IMPACT: variants seen among roughly 807,000 people sequenced by gnomAD.
IMPACT encodes protein IMPACT.
In IMPACT, 35 loss-of-function variants were observed where a neutral mutation model predicts 47.5. The ratio of observed to expected loss-of-function variants is 0.74; its 90% confidence interval spans 0.56 to 0.98. IMPACT has a LOEUF of 0.98. Ranked by LOEUF, IMPACT falls within the 50% of genes least tolerant of loss-of-function variation. The probability of loss-of-function intolerance (pLI) is 0.00; values close to 1 mark genes in which losing one functional copy is unlikely to be tolerated. For synonymous variants in IMPACT, 118 were observed against 125.6 expected (o/e 0.94, Z 0.40); for missense variants, 373 against 394.8 (o/e 0.94, Z 0.47).
At chr18:24,440,385 G>C (rs1568088022) in intron 5 of IMPACT, 111 bp from the exon 6 acceptor site, 3 of 1,109,482 alleles carry the variant, frequency 2.7e-6, no homozygotes, top group Non-Finnish European at 3.9e-6. Context: ...GCTGAGTGCT[G>C]GTTCCTTTCG....
intron 10 of IMPACT, among the ~76,000 whole-genome samples, chr18:24,450,411 G>T (rs758740548): frequency 4.6e-5 from 7 of 151,870 alleles, no homozygotes; most frequent in Non-Finnish European, 7.4e-5. Flanking sequence ...TATACTTTGA[G>T]TTTATTTTGT....
In IMPACT at chr18:24,432,385, G is replaced by A. The variant is rs16940726; in HGVS notation, c.281+2001G>A. Among the ~76,000 whole-genome samples, 815 of 152,122 alleles carry A rather than the reference G, an allele frequency of 5.4e-3. 3 individuals are homozygous for A. Among genetic ancestry groups the A allele is most frequent in the African/African-American group, 0.018 (750 of 41,480 alleles). On this transcript the variant is annotated intron_variant, in intron 4 of 10. Coordinates refer to ENST00000284202, the MANE Select transcript of IMPACT (RefSeq NM_018439.4). ...GTAAGGACTGTATTATATGTTCTAG[G>A]TGGCCACTCCATTTGGTACAGTGAC...
chr18:24,433,775 A>G (rs1376500084), intron 4 of IMPACT, among the ~76,000 whole-genome samples: 3 of 149,086 alleles, frequency 2.0e-5, no homozygotes, highest in South Asian at 2.1e-4. Flanking sequence ...GGTTCAAGCA[A>G]TTCTTGTACC....
At position 24,452,728 on chromosome 18, in the gene IMPACT, G is replaced by T. The variant is rs2144353992; in HGVS notation, c.*1881G>T. ...TTTAAAATTTTTGTCTTGATTAGGA[G>T]ATTTTTCAGTTCTCCATATAATAAT... On this transcript the variant is annotated 3_prime_UTR_variant, in exon 11 of 11. Transcript: ENST00000284202. The T allele has an allele frequency of 6.6e-6, 1 of 152,174 alleles. No homozygotes were observed. Among genetic ancestry groups the T allele is most frequent in the African/African-American group, 2.4e-5 (1 of 41,528 alleles). The allele number at this position is 152,174 out of a possible 1,614,324, so 9.4% of individuals were successfully genotyped here.
In IMPACT at chr18:24,448,139, G is replaced by A. The variant is rs774228746; in HGVS notation, c.715G>A (p.Asp239Asn). Residue 239 changes from aspartate (D) to asparagine (N), a missense_variant, in exon 9 of 11, where the codon GAT becomes AAT. Coordinates refer to ENST00000284202, the MANE Select transcript of IMPACT (RefSeq NM_018439.4). ...GACCTTCTTACAGGATTGTGAGGATGATGGGGAAACAGCAGCTGGTGGGCG... is the reference window on the plus strand; with the variant it reads ...GACCTTCTTACAGGATTGTGAGGATAATGGGGAAACAGCAGCTGGTGGGCG... Reference protein sequence around the residue: ...KQTFLQDCEDDGETAAGGRLL... With the variant: ...KQTFLQDCEDNGETAAGGRLL... The A allele has an allele frequency of 1.2e-6, 2 of 1,613,650 alleles. No homozygotes were observed. The highest frequency in any genetic ancestry group is 1.7e-5 in the Admixed American group (1 of 60,020).
intron 3 of IMPACT, 103 bp from the exon 4 acceptor site, chr18:24,430,219 A>G: frequency 1.4e-6 from 1 of 692,902 alleles, no homozygotes; most frequent in Non-Finnish European, 2.4e-6. Flanking sequence ...ATTTATGAAA[A>G]TAATTTTTTA....
chr18:24,438,809 G>A (rs971642052), intron 5 of IMPACT, among the ~76,000 whole-genome samples: 1 of 151,962 alleles, frequency 6.6e-6, no homozygotes, highest in Non-Finnish European at 1.5e-5. Context: ...TTGATGTCTC[G>A]GTTACGGTGG....
intron 5 of IMPACT, 94 bp from the exon 6 acceptor site, chr18:24,440,402 A>G: frequency 7.8e-7 from 1 of 1,287,220 alleles, no homozygotes; most frequent in Non-Finnish European, 1.1e-6. Context: ...TTCGTTGAAG[A>G]GTGGTATTTA....
At chr18:24,442,009 G>T (rs1380907032) in intron 6 of IMPACT, among the ~76,000 whole-genome samples, 2 of 152,122 alleles carry the variant, frequency 1.3e-5, no homozygotes, top group African/African-American at 2.4e-5. Flanking sequence ...TTCAGGAAAA[G>T]AACAGTATCA....
At chr18:24,429,588 T>C (rs1191240329) in intron 3 of IMPACT, 2 of 142,800 alleles carry the variant, frequency 1.4e-5, no homozygotes, top group African/African-American at 5.1e-5. Context: ...TCACTCCCAC[T>C]GCTTCACTTA....
rs1422786700 is a variant in IMPACT at position 24,426,727 on chromosome 18, C to T, written c.-30C>T. The T allele has an allele frequency of 1.6e-6, 2 of 1,244,728 alleles. No homozygotes were observed. The highest frequency in any genetic ancestry group is 3.8e-5 in the South Asian group (1 of 26,260). 77.1% of individuals were successfully genotyped at this position (1,244,728 alleles called of 1,614,324 possible). ...GCCCCCGCGCTCCGGACCTGGCAGG[C>T]GGCGGCTGCAGGGCAGGTCCAGGGG... is the stretch of plus-strand genomic sequence containing the variant. On this transcript the variant is annotated 5_prime_UTR_variant, in exon 1 of 11. Transcript: ENST00000284202.
intron 7 of IMPACT, among the ~76,000 whole-genome samples, chr18:24,443,524 CTCTAATGAATCTTTAAATAAGAAA>C (rs1054209515): frequency 8.5e-5 from 13 of 152,122 alleles, no homozygotes; most frequent in Non-Finnish European, 1.5e-4. Context: ...GGGGTTAACC[CTCTAATGAATCTTTAAATAAGAAA>C]TACCCATTGT....
chr18:24,446,565 C>T (rs931530986), intron 8 of IMPACT, among the ~76,000 whole-genome samples: 4 of 152,200 alleles, frequency 2.6e-5, no homozygotes, highest in African/African-American at 9.6e-5. Context: ...AACACAGGGA[C>T]TTGGTGTAAA....
chr18:24,432,703 C>G (rs1198330737), intron 4 of IMPACT, among the ~76,000 whole-genome samples: 1 of 151,924 alleles, frequency 6.6e-6, no homozygotes, highest in Non-Finnish European at 1.5e-5. Flanking sequence ...ATCTGCCCCC[C>G]CGATCCCCCA....
chr18:24,450,839 G>T lies in IMPACT; in HGVS notation c.955G>T (p.Glu319Ter). ...AGTAAGAAAAGACAAGAAGAGGAATGAACATTAATACCTGAAACTATAGGA... is the reference window on the plus strand; with the variant it reads ...AGTAAGAAAAGACAAGAAGAGGAATTAACATTAATACCTGAAACTATAGGA... Reference protein sequence around the residue: ...KKVRKDKKRNEH With the variant: ...KKVRKDKKRN Residue 319 changes from glutamate to a stop codon, truncating the protein, a stop_gained, in exon 11 of 11, where the codon GAA (glutamate) becomes TAA (stop). Transcript: ENST00000284202. LOFTEE classifies it high-confidence loss of function. 1 of 1,586,212 alleles carries T rather than the reference G, an allele frequency of 6.3e-7. No homozygotes were observed. The highest frequency in any genetic ancestry group is 1.1e-5 in the South Asian group (1 of 89,996).
At chr18:24,442,150 C>CTTTTTT (rs397965432) in intron 6 of IMPACT, among the ~76,000 whole-genome samples, 2 of 116,474 alleles carry the variant, frequency 1.7e-5, no homozygotes, top group Non-Finnish European at 3.6e-5. Context: ...ATTAGTGATT[C>CTTTTTT]TTTTTTTTTT....
chr18:24,442,983 A>G (rs982909449), intron 6 of IMPACT, 66 bp from the exon 7 acceptor site: 2 of 786,026 alleles, frequency 2.5e-6, no homozygotes. Context: ...CTGCCCCCCC[A>G]TTTCATTTTT....
At chr18:24,438,139 G>A in intron 5 of IMPACT, 99 bp downstream of exon 5, 5 of 609,492 alleles carry the variant, frequency 8.2e-6, no homozygotes, top group Non-Finnish European at 1.4e-5. Context: ...TCTGTATTCT[G>A]GTTTATGGTT....
intron 9 of IMPACT, among the ~76,000 whole-genome samples, chr18:24,449,131 C>T (rs1237540619): frequency 3.9e-5 from 6 of 152,084 alleles, no homozygotes; most frequent in Non-Finnish European, 7.4e-5. Context: ...GAAGCTGAGG[C>T]GGGGAGATCA....
Sources: allele counts gnomAD v4.1 joint callset (sites outside exome capture counted in the v4.1 genomes callset), GRCh38; gene constraint gnomAD v4.1.1; transcripts MANE v1.5; gene names NCBI Gene and HGNC (gene_info 2026-07-23, HGNC 2026-07-21).